MRPS5: variants seen among roughly 807,000 people sequenced by gnomAD.
MRPS5 encodes mitochondrial ribosomal protein S5.
In MRPS5, 27 loss-of-function variants were observed where a neutral mutation model predicts 51.9. The ratio of observed to expected loss-of-function variants is 0.52; its 90% CI spans 0.38 to 0.72. MRPS5 has a LOEUF of 0.72. MRPS5 is among the 30% of genes least tolerant of loss of function. The pLI is 0.00. For missense variants in MRPS5, 570 were observed against 545.7 expected, an observed-to-expected ratio of 1.04 and a Z score of -0.44; for synonymous variants, 196 against 193.2, an observed-to-expected ratio of 1.01 and a Z score of -0.12.
At chr2:95,110,619 T>C (rs1024697283) in intron 3 of MRPS5, among the ~76,000 whole-genome samples, 1 of 152,096 alleles carries the variant, frequency 6.6e-6, no homozygotes, top group Non-Finnish European at 1.5e-5. Flanking sequence ...CTGGACAACA[T>C]AGTGAGATCC....
Position 95,104,685 on chromosome 2 carries a change from AT to A in MRPS5, c.717del (p.Lys239AsnfsTer44). The A allele has an allele frequency of 6.2e-7, 1 of 1,614,124 alleles. No homozygotes were observed. The highest frequency in any genetic ancestry group is 8.5e-7 in the Non-Finnish European group (1 of 1,180,026). ...FTMTAKEGRKKSIRVLVAVGN... is the reference protein window; with the variant it reads ...FTMTAKEGRKXSIRVLVAVGN... ...CCCACAGCCACCAAGACACGGATCG[AT>A]TTCTTTCTTCCCTCTTTCGCAGTCA... is the stretch of plus-strand genomic sequence containing the variant. On this transcript the variant is annotated frameshift_variant, in exon 7 of 12. Transcript: ENST00000272418. LOFTEE classifies it high-confidence loss of function.
intron 1 of MRPS5, among the ~76,000 whole-genome samples, chr2:95,119,608 T>C (rs973596928): frequency 4.1e-5 from 6 of 147,348 alleles, no homozygotes; most frequent in Non-Finnish European, 8.9e-5. Context: ...CAAGACCCTG[T>C]CTCGAAAAAA....
At chr2:95,114,120 CAAAAAAAAAAAAAA>C (rs1002543941) in intron 3 of MRPS5, among the ~76,000 whole-genome samples, 7 of 43,026 alleles carry the variant, frequency 1.6e-4, no homozygotes, top group Non-Finnish European at 3.9e-5. Context: ...CTCCATCTCC[CAAAAAAAAAAAAAA>C]AAAAAAAAAA....
chr2:95,101,021 T>G (rs1264349522), intron 8 of MRPS5, 127 bp from the exon 9 acceptor site: 4 of 694,960 alleles, frequency 5.8e-6, no homozygotes, highest in African/African-American at 1.8e-5. Flanking sequence ...TAGTATATAC[T>G]TCTAAAATAT....
chr2:95,113,700 T>C (rs1436619395), intron 3 of MRPS5, among the ~76,000 whole-genome samples: 2 of 152,152 alleles, frequency 1.3e-5, no homozygotes, highest in South Asian at 2.1e-4. Context: ...CTTTTCTGCG[T>C]TGTTGCTACA....
intron 3 of MRPS5, among the ~76,000 whole-genome samples, chr2:95,112,566 A>G (rs766050435): frequency 1.3e-4 from 20 of 152,234 alleles, no homozygotes; most frequent in Non-Finnish European, 2.8e-4. Flanking sequence ...CATTTTTGAA[A>G]AAGTGTGTCC....
Position 95,114,935 on chromosome 2 carries a change from A to G in MRPS5, c.277+131T>C, listed in dbSNP as rs1287551256. On this transcript the variant is annotated intron_variant, in intron 3 of 11. Transcript: ENST00000272418. The stretch of plus-strand genomic sequence containing the variant: ...AATTCTAGGATGTACATCAAGGAAC[A>G]TTTTCATTTTAACAGTACATTGTAA... The G allele has an allele frequency of 3.7e-6, 3 of 813,692 alleles. No individual in the cohort carries two copies. The East Asian group carries it at 9.2e-5, about 25-fold the overall frequency. The allele number at this position is 813,692 out of a possible 1,614,324, so 50.4% of individuals were successfully genotyped here. A position where few individuals can be genotyped will look rare whatever the true frequency, so the allele number is the denominator to read the frequency against.
In MRPS5 at chr2:95,086,906, T is replaced by G. The variant is rs1240059913; in HGVS notation, c.*451A>C. Among the ~76,000 whole-genome samples the G allele has an allele frequency of 6.6e-6, 1 of 152,188 alleles. No individual in the cohort carries two copies. Among genetic ancestry groups the G allele is most frequent in the Non-Finnish European group, 1.5e-5 (1 of 68,026 alleles). On this transcript the variant is annotated 3_prime_UTR_variant, in exon 12 of 12. Transcript: ENST00000272418. The stretch of plus-strand genomic sequence containing the variant: ...CCATTTAACATTCCCAATAGTAGCC[T>G]ACAACTTCCATTTCCACTGTGGAAA...
Position 95,109,963 on chromosome 2 carries a change from T to G in MRPS5, c.356A>C (p.Lys119Thr), listed in dbSNP as rs1379212136. ...GTTCAGATCCTTTCTTTTCTTCTTT[T>G]TAGTTCTTTTGCCTCTTCCTTTTTT... ...GAKKGRGKRTKKKKRKDLNRG... is the reference protein window; with the variant it reads ...GAKKGRGKRTTKKKRKDLNRG... Residue 119 changes from lysine (K) to threonine (T), a missense_variant, in exon 4 of 12, where the codon AAA (lysine) becomes ACA (threonine). By Grantham distance (78) the Lys-to-Thr change is moderately conservative. Coordinates refer to ENST00000272418, the MANE Select transcript of MRPS5 (RefSeq NM_031902.5). 1 of 1,613,986 alleles carries G rather than the reference T, an allele frequency of 6.2e-7. No homozygotes were observed. The highest frequency in any genetic ancestry group is 2.2e-5 in the East Asian group (1 of 44,886).
intron 10 of MRPS5, among the ~76,000 whole-genome samples, chr2:95,096,010 C>T (rs1274055030): frequency 6.6e-6 from 1 of 151,762 alleles, no homozygotes; most frequent in African/African-American, 2.4e-5. Flanking sequence ...AAAATCACCA[C>T]CAATCCCACA....
In MRPS5 at chr2:95,086,831, A is replaced by G. The variant is rs1024803665; in HGVS notation, c.*526T>C. ...ACATGAAAAGATGTTCAACATCATCAGCCATCAGGGAAATACAAGTCAAAA... is the reference window on the plus strand; with the variant it reads ...ACATGAAAAGATGTTCAACATCATCGGCCATCAGGGAAATACAAGTCAAAA... On this transcript the variant is annotated 3_prime_UTR_variant, in exon 12 of 12. Transcript: ENST00000272418. Among the ~76,000 whole-genome samples the G allele has an allele frequency of 6.6e-6, 1 of 152,212 alleles. No individual in the cohort carries two copies. The highest frequency in any genetic ancestry group is 1.5e-5 in the Non-Finnish European group (1 of 68,036).
intron 11 of MRPS5, among the ~76,000 whole-genome samples, chr2:95,088,082 C>T (rs1296398960): frequency 1.3e-5 from 2 of 151,364 alleles, no homozygotes; most frequent in Non-Finnish European, 2.9e-5. Flanking sequence ...ATAGCAAAAA[C>T]ATACATTAAC....
rs201653099 is a variant in MRPS5 at position 95,101,668 on chromosome 2, T to C, written c.810+9A>G. The C allele has an allele frequency of 4.0e-4, 634 of 1,591,004 alleles. No individual in the cohort carries two copies. The highest frequency in any genetic ancestry group is 5.2e-4 in the Non-Finnish European group (605 of 1,173,284). On this transcript the variant is annotated intron_variant, in intron 8 of 11. Transcript: ENST00000272418. ...ACTGAGTGTCAACAAAGAAAAAAAATGTACATACTTTCCTGAAAGCATCCA... is the reference window on the plus strand; with the variant it reads ...ACTGAGTGTCAACAAAGAAAAAAAACGTACATACTTTCCTGAAAGCATCCA...
chr2:95,092,685 G>C (rs1406009044), intron 10 of MRPS5: 2 of 152,238 alleles, frequency 1.3e-5, no homozygotes, highest in Non-Finnish European at 2.9e-5. Flanking sequence ...AGACAGGAAA[G>C]ATTTTAAAAG....
intron 11 of MRPS5, 129 bp downstream of exon 11, chr2:95,090,257 C>A (rs1675422846): frequency 1.4e-6 from 1 of 713,216 alleles, no homozygotes; most frequent in Non-Finnish European, 2.2e-6. Context: ...TCACAGACAA[C>A]AAAGAATGCC....
At chr2:95,120,287 A>G (rs1244132072) in intron 1 of MRPS5, among the ~76,000 whole-genome samples, 1 of 152,266 alleles carries the variant, frequency 6.6e-6, no homozygotes, top group African/African-American at 2.4e-5. Flanking sequence ...GTGCTGGTAC[A>G]TGCTACAAGG....
At chr2:95,111,785 T>C (rs2104422479) in intron 3 of MRPS5, among the ~76,000 whole-genome samples, 1 of 152,362 alleles carries the variant, frequency 6.6e-6, no homozygotes, top group South Asian at 2.1e-4. Flanking sequence ...TTATACCATA[T>C]GCACATTTGT....
rs372057924 is a variant in MRPS5, at chr2:95,090,518, G to A, written c.936C>T (p.Tyr312=). 20 of 1,613,856 alleles carry A rather than the reference G, an allele frequency of 1.2e-5. 1 individual carries two copies. The highest frequency in any genetic ancestry group is 3.3e-5 in the South Asian group (3 of 91,086). Residue 312 remains tyrosine, a synonymous_variant, in exon 11 of 12, where the codon TAC becomes TAT. Coordinates refer to ENST00000272418, the MANE Select transcript of MRPS5 (RefSeq NM_031902.5). The stretch of plus-strand genomic sequence containing the variant: ...TGATGGCCCTGTGGCAGCGGAGGCC[G>A]TAACCTAGAAAAGGAGAAACCGGGT... ...HIKMKKQPKG[Y]GLRCHRAIIT...
intron 1 of MRPS5, among the ~76,000 whole-genome samples, chr2:95,120,915 C>T (rs1477648930): frequency 6.6e-6 from 1 of 152,032 alleles, no homozygotes; most frequent in East Asian, 1.9e-4. Flanking sequence ...GTCAGGAGTT[C>T]GAGACCAGTA....
Sources: gnomAD v4.1 joint callset for allele counts (sites outside exome capture counted in the v4.1 genomes callset) on GRCh38, gnomAD v4.1.1 for gene constraint, MANE v1.5 for transcripts, NCBI Gene and HGNC (gene_info 2026-07-23, HGNC 2026-07-21) for gene names.